Variants in DRC5 observed in about 807,000 individuals in gnomAD.
DRC5 encodes dynein regulatory complex subunit 5, also known as T-complex-associated testis-expressed protein 1.
the DRC5 span, among the ~76,000 whole-genome samples, chr6:44,296,838 T>C: frequency 2.4e-4 from 36 of 152,338 alleles, no homozygotes; most frequent in Non-Finnish European, 7.4e-5. Flanking sequence ...GCCACCTCCA[T>C]ATCCTTCATG....
chr6:44,283,152 A>T, the DRC5 span, among the ~76,000 whole-genome samples: 1 of 152,164 alleles, frequency 6.6e-6, no homozygotes, highest in Non-Finnish European at 1.5e-5. Context: ...CTCGATGAAG[A>T]AGAGAAAGTT....
the DRC5 span, chr6:44,285,935 GT>G: frequency 6.3e-7 from 1 of 1,580,330 alleles, no homozygotes; most frequent in Admixed American, 1.7e-5. Flanking sequence ...CTGAGAAGGG[GT>G]GGGGGGAAGG....
At chr6:44,295,272 G>C in the DRC5 span, among the ~76,000 whole-genome samples, 2 of 152,192 alleles carry the variant, frequency 1.3e-5, no homozygotes, top group Non-Finnish European at 2.9e-5. Flanking sequence ...TCCATCCAAG[G>C]ATGTGCTGCG....
the DRC5 span, chr6:44,287,221 C>T: frequency 2.0e-5 from 20 of 985,144 alleles, no homozygotes; most frequent in East Asian, 1.1e-4. Flanking sequence ...GAGTAGAGGG[C>T]GGTTCACTTG....
chr6:44,294,772 C>CAAAAAAA, the DRC5 span, among the ~76,000 whole-genome samples: 2 of 88,692 alleles, frequency 2.3e-5, no homozygotes. Context: ...AACTCTGTCT[C>CAAAAAAA]AAAAAAAAAA....
the DRC5 span, among the ~76,000 whole-genome samples, chr6:44,295,243 T>C: frequency 2.0e-5 from 3 of 152,314 alleles, no homozygotes; most frequent in African/African-American, 7.2e-5. Context: ...GGGTACGTCT[T>C]GTGCCACCAC....
At chr6:44,292,137 G>T in the DRC5 span, among the ~76,000 whole-genome samples, 33 of 152,266 alleles carry the variant, frequency 2.2e-4, no homozygotes, top group African/African-American at 7.2e-4. Flanking sequence ...CTGCTCACTG[G>T]GTAAAATCCA....
chr6:44,279,854 G>A, the DRC5 span: 1 of 233,198 alleles, frequency 4.3e-6, no homozygotes, highest in Non-Finnish European at 8.4e-6. Context: ...AGGGAGGCAG[G>A]CAGCCCCAAC....
the DRC5 span, chr6:44,279,643 G>C: frequency 6.5e-6 from 1 of 152,822 alleles, no homozygotes; most frequent in South Asian, 2.1e-4. Context: ...GGATGGCGTG[G>C]CCTGTAGAAC....
At chr6:44,287,603 T>C in the DRC5 span, 2 of 1,614,132 alleles carry the variant, frequency 1.2e-6, no homozygotes, top group Non-Finnish European at 1.7e-6. Context: ...AGGGGCACGA[T>C]GGCCAGTGAC....
the DRC5 span, among the ~76,000 whole-genome samples, chr6:44,295,939 A>G: frequency 6.6e-6 from 1 of 152,252 alleles, no homozygotes; most frequent in African/African-American, 2.4e-5. Flanking sequence ...TGCTGGGCCC[A>G]GAGCCAGCAC....
the DRC5 span, among the ~76,000 whole-genome samples, chr6:44,283,345 AG>A: frequency 6.6e-6 from 1 of 151,974 alleles, no homozygotes. Context: ...GGAGGTTGCC[AG>A]GGCAAGAACC....
the DRC5 span, among the ~76,000 whole-genome samples, chr6:44,292,309 G>A: frequency 6.6e-6 from 1 of 152,178 alleles, no homozygotes. Context: ...CAGGGAAAGG[G>A]ACAATCACTG....
the DRC5 span, chr6:44,282,668 C>A: frequency 1.1e-6 from 1 of 905,092 alleles, no homozygotes; most frequent in East Asian, 2.5e-5. Flanking sequence ...CTGGCTGGGT[C>A]TTGGAGGGGG....
chr6:44,290,922 C>T, the DRC5 span, among the ~76,000 whole-genome samples: 2 of 152,316 alleles, frequency 1.3e-5, no homozygotes, highest in East Asian at 1.9e-4. Context: ...CTAGTCCCAC[C>T]GTCTAGCACC....
the DRC5 span, chr6:44,282,683 G>T: frequency 1.4e-6 from 1 of 720,968 alleles, no homozygotes; most frequent in Middle Eastern, 3.5e-4. Context: ...AGGGGGCCAG[G>T]CCTACCAGCA....
the DRC5 span, chr6:44,280,365 C>A: frequency 2.5e-6 from 4 of 1,613,518 alleles, no homozygotes; most frequent in Non-Finnish European, 3.4e-6. Flanking sequence ...GTCTGACATG[C>A]CTTCCAGGAG....
At chr6:44,283,106 G>T in the DRC5 span, among the ~76,000 whole-genome samples, 5 of 152,230 alleles carry the variant, frequency 3.3e-5, no homozygotes, top group South Asian at 1.0e-3. Flanking sequence ...CCGGCCGCTT[G>T]GGTCTTTCAC....
At chr6:44,286,038 A>G in the DRC5 span, 7 of 1,614,084 alleles carry the variant, frequency 4.3e-6, no homozygotes, top group Admixed American at 1.7e-5. Context: ...AAGAGATTCC[A>G]CTCGAAATTC....
Sources: gnomAD v4.1 joint callset for allele counts (sites outside exome capture counted in the v4.1 genomes callset) on GRCh38, gnomAD v4.1.1 for gene constraint, MANE v1.5 for transcripts, NCBI Gene and HGNC (gene_info 2026-07-23, HGNC 2026-07-21) for gene names.